The following GRM8 variants were observed in gnomAD, a reference collection of about 807,000 sequenced individuals.
GRM8 encodes the protein metabotropic glutamate receptor 8.
A neutral mutation model predicts 87.2 loss-of-function variants in GRM8; 47 were observed. The ratio of observed to expected loss-of-function variants is 0.54; its 90% CI spans 0.43 to 0.69. The LOEUF (loss-of-function observed/expected upper bound fraction) is 0.69. Ranked by LOEUF, GRM8 falls within the 30% of genes least tolerant of loss-of-function variation. GRM8 has a pLI of 0.00. For synonymous variants in GRM8, 396 were observed against 404.5 expected (o/e 0.98, Z 0.25); for missense variants, 1,019 against 1,139.2 (o/e 0.89, Z 1.52).
chr7:126,573,990 C>A (rs1414275124), intron 8 of GRM8, among the ~76,000 whole-genome samples: 2 of 152,168 alleles, frequency 1.3e-5, no homozygotes, highest in African/African-American at 4.8e-5. Flanking sequence ...GCAAACAATT[C>A]AAAAAGGTTG....
intron 7 of GRM8, among the ~76,000 whole-genome samples, chr7:126,735,696 C>T (rs1344313912): frequency 6.6e-6 from 1 of 152,000 alleles, no homozygotes; most frequent in Non-Finnish European, 1.5e-5. Flanking sequence ...TGTAAAGACT[C>T]TGTCCTCGCA....
intron 6 of GRM8, among the ~76,000 whole-genome samples, chr7:126,810,836 G>A (rs1023928946): frequency 6.6e-6 from 1 of 152,046 alleles, no homozygotes; most frequent in Non-Finnish European, 1.5e-5. Flanking sequence ...AGAAACTTGA[G>A]GTTATCAAAC....
At chr7:126,536,164 G>C (rs1815680718) in intron 8 of GRM8, among the ~76,000 whole-genome samples, 1 of 152,118 alleles carries the variant, frequency 6.6e-6, no homozygotes, top group Non-Finnish European at 1.5e-5. Flanking sequence ...GCACACCCAG[G>C]GACAGCGACT....
chr7:126,731,126 T>C (rs1813535954), intron 7 of GRM8, among the ~76,000 whole-genome samples: 1 of 152,130 alleles, frequency 6.6e-6, no homozygotes, highest in South Asian at 2.1e-4. Context: ...GAAAGAAATG[T>C]ATATAAAAGA....
chr7:127,103,043 A>C (rs997752509), intron 3 of GRM8, among the ~76,000 whole-genome samples: 1 of 152,196 alleles, frequency 6.6e-6, no homozygotes, highest in African/African-American at 2.4e-5. Flanking sequence ...TTGCATTTTT[A>C]GTAGAAACTG....
At chr7:127,232,212 TGAGAGA>T (rs71177600) in intron 2 of GRM8, among the ~76,000 whole-genome samples, 3,433 of 143,428 alleles carry the variant, frequency 0.024, 59 homozygotes, top group South Asian at 0.065. Context: ...TGTGTGTGTG[TGAGAGA>T]GAGAGAGAGA....
At chr7:126,868,120 C>T (rs1037134903) in intron 6 of GRM8, among the ~76,000 whole-genome samples, 1 of 152,166 alleles carries the variant, frequency 6.6e-6, no homozygotes, top group Non-Finnish European at 1.5e-5. Context: ...AGGCTTAGAC[C>T]CTGATGGCAG....
intron 9 of GRM8, among the ~76,000 whole-genome samples, chr7:126,488,923 T>C (rs573686726): frequency 6.6e-6 from 1 of 151,988 alleles, no homozygotes; most frequent in East Asian, 1.9e-4. Flanking sequence ...TTTAATATTA[T>C]AAATTATGTT....
At chr7:126,637,875 C>T (rs1021370854) in intron 7 of GRM8, among the ~76,000 whole-genome samples, 5 of 151,902 alleles carry the variant, frequency 3.3e-5, no homozygotes, top group African/African-American at 1.2e-4. Flanking sequence ...CCAACATGAA[C>T]AATTATTCCC....
chr7:126,923,324 C>CA (rs1804736432), intron 3 of GRM8, among the ~76,000 whole-genome samples: 2 of 152,150 alleles, frequency 1.3e-5, no homozygotes, highest in Non-Finnish European at 2.9e-5. Flanking sequence ...TTTAAAGCAT[C>CA]TGCTTTTCAT....
intron 3 of GRM8, among the ~76,000 whole-genome samples, chr7:126,928,565 G>T (rs1805393115): frequency 6.6e-6 from 1 of 151,860 alleles, no homozygotes. Context: ...CCAGACACTT[G>T]GGGGGCTGAC....
At chr7:127,154,809 A>G (rs1224498876) in intron 2 of GRM8, among the ~76,000 whole-genome samples, 1 of 152,168 alleles carries the variant, frequency 6.6e-6, no homozygotes, top group East Asian at 1.9e-4. Flanking sequence ...TCTAAAAAGT[A>G]GAAATAATTT....
chr7:126,457,608 G>C (rs988765057), intron 9 of GRM8, among the ~76,000 whole-genome samples: 1 of 151,164 alleles, frequency 6.6e-6, no homozygotes, highest in African/African-American at 2.4e-5. Context: ...TCACTCATAA[G>C]TCAAAAGAAA....
intron 7 of GRM8, among the ~76,000 whole-genome samples, chr7:126,732,320 C>A (rs1322529535): frequency 4.6e-5 from 7 of 152,080 alleles, no homozygotes; most frequent in Non-Finnish European, 1.0e-4. Flanking sequence ...GTAATTAAGT[C>A]TTCTATATCC....
intron 2 of GRM8, among the ~76,000 whole-genome samples, chr7:127,193,348 G>C (rs147174315): frequency 6.4e-4 from 98 of 152,314 alleles, no homozygotes; most frequent in African/African-American, 2.2e-3. Flanking sequence ...ATGGAAGAGA[G>C]AGTTTACACC....
At chr7:126,643,375 T>C (rs554319671) in intron 7 of GRM8, among the ~76,000 whole-genome samples, 27 of 78,412 alleles carry the variant, frequency 3.4e-4, no homozygotes, top group Non-Finnish European at 6.2e-4. Flanking sequence ...CAATGATCAC[T>C]GTAGGTAAAA....
At chr7:126,582,846 T>C (rs1160141089) in intron 8 of GRM8, among the ~76,000 whole-genome samples, 1 of 152,216 alleles carries the variant, frequency 6.6e-6, no homozygotes, top group African/African-American at 2.4e-5. Flanking sequence ...CAACATGGTT[T>C]ACTGAATATT....
intron 8 of GRM8, among the ~76,000 whole-genome samples, chr7:126,607,845 C>T (rs1798515952): frequency 7.7e-6 from 1 of 129,070 alleles, no homozygotes. Flanking sequence ...CTATCCCTCC[C>T]CCCTCCCCCC....
chr7:126,996,162 A>C (rs1220251461), intron 3 of GRM8, among the ~76,000 whole-genome samples: 1 of 152,116 alleles, frequency 6.6e-6, no homozygotes, highest in Non-Finnish European at 1.5e-5. Flanking sequence ...CAAAAGCTGA[A>C]GGATTTCATC....
Sources: allele counts gnomAD v4.1 joint callset (sites outside exome capture counted in the v4.1 genomes callset), GRCh38; gene constraint gnomAD v4.1.1; transcripts MANE v1.5; gene names NCBI Gene and HGNC (gene_info 2026-07-23, HGNC 2026-07-21).